The following IGSF21 variants were observed in gnomAD, a reference collection of about 807,000 sequenced individuals.
The protein encoded by IGSF21 is immunoglobulin superfamily member 21.
A neutral mutation model predicts 46.8 loss-of-function variants in IGSF21; 28 were observed. The ratio of observed to expected loss-of-function variants is 0.60; its 90% CI spans 0.44 to 0.82. The LOEUF is 0.82. IGSF21 is among the 40% of genes least tolerant of loss of function. The pLI is 0.00. For missense variants in IGSF21, 624 were observed against 665.5 expected (o/e 0.94, Z 0.69); for synonymous variants, 284 against 273.6 (o/e 1.04, Z -0.38).
intron 2 of IGSF21, 27 bp from the exon 3 acceptor site, chr1:18,291,839 T>G (rs1466111986): frequency 6.2e-7 from 1 of 1,611,978 alleles, no homozygotes. Context: ...AGCACTCACG[T>G]GTGGCTATCT....
In IGSF21 at chr1:18,326,042, C is replaced by A. The variant is rs551244296; in HGVS notation, c.306-8850C>A. On this transcript the variant is annotated intron_variant, in intron 3 of 9. Transcript: ENST00000251296. The stretch of plus-strand genomic sequence containing the variant: ...GCAGAGACCTCTTCCCCGCCCATGC[C>A]CCCCCCTTTTTTTTCCAGGGAGTAG... Among the ~76,000 whole-genome samples the A allele has an allele frequency of 2.7e-4, 34 of 127,848 alleles. No homozygotes were observed. The East Asian group carries it at 8.1e-3, about 30-fold the overall frequency. The allele number at this position is 127,848 out of a possible 152,430, so 83.9% of individuals were successfully genotyped here.
chr1:18,331,469 C>T (rs115902761), intron 3 of IGSF21, among the ~76,000 whole-genome samples: 3,461 of 152,304 alleles, frequency 0.023, 75 homozygotes, highest in African/African-American at 0.057. Flanking sequence ...TAGTATTCCA[C>T]GGTATAGATA....
At chr1:18,136,812 A>G in intron 1 of IGSF21, among the ~76,000 whole-genome samples, 1 of 152,110 alleles carries the variant, frequency 6.6e-6, no homozygotes, top group Non-Finnish European at 1.5e-5. Context: ...TGGTAGCTTG[A>G]TGGGGATGGC....
chr1:18,137,449 T>G (rs2086376826), intron 1 of IGSF21, among the ~76,000 whole-genome samples: 1 of 152,100 alleles, frequency 6.6e-6, no homozygotes, highest in African/African-American at 2.4e-5. Flanking sequence ...CACCCCACCC[T>G]AAGAGATTGG....
intron 1 of IGSF21, chr1:18,112,019 A>G (rs2086149374): frequency 6.6e-6 from 1 of 152,310 alleles, no homozygotes; most frequent in African/African-American, 2.4e-5. Flanking sequence ...TGGGCAGAGG[A>G]CGGAGTAGGG....
At chr1:18,148,048 T>C (rs1164363643) in intron 1 of IGSF21, among the ~76,000 whole-genome samples, 1 of 152,162 alleles carries the variant, frequency 6.6e-6, no homozygotes, top group Non-Finnish European at 1.5e-5. Context: ...TTCGCCATGA[T>C]TGTGAGGCCT....
intron 1 of IGSF21, among the ~76,000 whole-genome samples, chr1:18,134,963 T>C (rs1484000257): frequency 1.3e-5 from 2 of 152,264 alleles, no homozygotes; most frequent in African/African-American, 4.8e-5. Context: ...ACTGAGCATA[T>C]GCTCACTCCA....
intron 1 of IGSF21, among the ~76,000 whole-genome samples, chr1:18,140,332 AT>A (rs1421478751): frequency 1.3e-5 from 2 of 152,128 alleles, no homozygotes; most frequent in African/African-American, 4.8e-5. Context: ...AGCTGGCTTA[AT>A]GCACCCAGTA....
chr1:18,230,659 C>T (rs1001930901), intron 2 of IGSF21, among the ~76,000 whole-genome samples: 4 of 152,024 alleles, frequency 2.6e-5, no homozygotes, highest in African/African-American at 9.7e-5. Context: ...GGAAGGGCTC[C>T]GTGTGGCCAG....
chr1:18,361,505 G>A (rs1369205383), intron 4 of IGSF21: 1 of 152,518 alleles, frequency 6.6e-6, no homozygotes, highest in Non-Finnish European at 1.5e-5. Context: ...CACGTGCTCT[G>A]TGCCCTGCTC....
intron 1 of IGSF21, among the ~76,000 whole-genome samples, chr1:18,154,454 T>C (rs1438703660): frequency 6.6e-6 from 1 of 152,168 alleles, no homozygotes; most frequent in Non-Finnish European, 1.5e-5. Context: ...CCACTCAGTC[T>C]TCTTGGCTCA....
At chr1:18,368,517 A>AAC (rs1491536192) in intron 6 of IGSF21, among the ~76,000 whole-genome samples, 2 of 99,850 alleles carry the variant, frequency 2.0e-5, no homozygotes, top group Non-Finnish European at 3.9e-5. Context: ...TCTCAAAAAG[A>AAC]AAAAAAAAAA....
intron 1 of IGSF21, 131 bp from the exon 2 acceptor site, chr1:18,227,767 C>T (rs1458045297): frequency 6.0e-6 from 4 of 672,108 alleles, no homozygotes; most frequent in South Asian, 4.9e-5. Context: ...TGAACAGCGT[C>T]CCTCAAAGTT....
chr1:18,311,859 C>G (rs1326619272), intron 3 of IGSF21, among the ~76,000 whole-genome samples: 1 of 152,144 alleles, frequency 6.6e-6, no homozygotes, highest in Non-Finnish European at 1.5e-5. Context: ...CAATTATTTC[C>G]CACCGGGCCC....
chr1:18,117,712 C>T (rs2086199752), intron 1 of IGSF21, among the ~76,000 whole-genome samples: 1 of 152,196 alleles, frequency 6.6e-6, no homozygotes, highest in African/African-American at 2.4e-5. Flanking sequence ...GTGTTTATAA[C>T]CCTTGATTCC....
At chr1:18,252,965 G>A (rs1276882591) in intron 2 of IGSF21, among the ~76,000 whole-genome samples, 1 of 152,108 alleles carries the variant, frequency 6.6e-6, no homozygotes, top group Non-Finnish European at 1.5e-5. Flanking sequence ...ATACCTAGAA[G>A]ATCCTCAACC....
In IGSF21 at chr1:18,107,936, G is replaced by A. The variant is rs1417876950; in HGVS notation, c.-193G>A. The A allele has an allele frequency of 1.1e-5, 2 of 188,802 alleles. No homozygotes were observed. The highest frequency in any genetic ancestry group is 2.1e-5 in the Non-Finnish European group (2 of 93,428). The allele number at this position is 188,802 out of a possible 1,614,324, so 11.7% of individuals were successfully genotyped here. A position where few individuals can be genotyped will look rare whatever the true frequency, so the allele number is the denominator to read the frequency against. On this transcript the variant is annotated 5_prime_UTR_variant, in exon 1 of 10. Coordinates refer to ENST00000251296, the MANE Select transcript of IGSF21 (RefSeq NM_032880.5). ...AGGGTCGCTGCGCCTCGCAGAGCCG[G>A]AGCCGAGTCGAGCCGGGCGCCCGGG... is the stretch of plus-strand genomic sequence containing the variant.
At chr1:18,359,383 A>AAAGGAAGAAAGAAAGG in intron 4 of IGSF21, among the ~76,000 whole-genome samples, 1 of 61,106 alleles carries the variant, frequency 1.6e-5, no homozygotes, top group South Asian at 6.2e-4. Context: ...AGAAAGAAAG[A>AAAGGAAGAAAGAAAGG]AAGGAAGGAA....
At chr1:18,157,251 C>A (rs1057178436) in intron 1 of IGSF21, among the ~76,000 whole-genome samples, 1 of 152,338 alleles carries the variant, frequency 6.6e-6, no homozygotes, top group South Asian at 2.1e-4. Context: ...TTCAGAGGGG[C>A]AGTGGGGCTT....
Sources: allele counts gnomAD v4.1 joint callset (sites outside exome capture counted in the v4.1 genomes callset), GRCh38; gene constraint gnomAD v4.1.1; transcripts MANE v1.5; gene names NCBI Gene and HGNC (gene_info 2026-07-23, HGNC 2026-07-21).